The following BLOC1S6 variants were observed in gnomAD, a reference collection of about 807,000 sequenced individuals.
The protein encoded by BLOC1S6 is biogenesis of lysosomal organelles complex 1 subunit 6.
BLOC1S6 carries 24 observed loss-of-function variants against 24.7 expected under a neutral mutation model. The ratio of observed to expected loss-of-function variants is 0.97; its 90% CI spans 0.70 to 1.37. The LOEUF (loss-of-function observed/expected upper bound fraction) is 1.37, where lower values mean the gene tolerates loss of function less well. BLOC1S6 is among the 40% of genes most tolerant of loss of function. BLOC1S6 has a pLI of 0.00. For synonymous variants in BLOC1S6, 76 were observed against 72.6 expected (o/e 1.05, Z -0.23); for missense variants, 175 against 196.2 (o/e 0.89, Z 0.64).
At chr15:45,594,265 C>T (rs1893988762) in intron 2 of BLOC1S6, among the ~76,000 whole-genome samples, 1 of 151,924 alleles carries the variant, frequency 6.6e-6, no homozygotes, top group South Asian at 2.1e-4. Context: ...AAAAATTTAG[C>T]TTTATATATA....
intron 2 of BLOC1S6, among the ~76,000 whole-genome samples, chr15:45,597,556 A>G (rs1208220977): frequency 6.6e-6 from 1 of 152,178 alleles, no homozygotes; most frequent in Non-Finnish European, 1.5e-5. Flanking sequence ...ATTTTTCATT[A>G]GAGTTTTATA....
At chr15:45,594,084 G>A (rs1340474652) in intron 2 of BLOC1S6, among the ~76,000 whole-genome samples, 2 of 152,100 alleles carry the variant, frequency 1.3e-5, no homozygotes, top group Non-Finnish European at 2.9e-5. Flanking sequence ...ATAGGGGAAA[G>A]AGTACTGGAC....
chr15:45,587,862 T>A lies in BLOC1S6; in HGVS notation c.82+337T>A, dbSNP rs1893741115. The A allele has an allele frequency of 2.7e-5, 18 of 668,944 alleles. No individual in the cohort carries two copies. The South Asian group carries it at 2.7e-4, about 10-fold the overall frequency. The allele number at this position is 668,944 out of a possible 1,614,324, so 41.4% of individuals were successfully genotyped here. A position where few individuals can be genotyped will look rare whatever the true frequency, so the allele number is the denominator to read the frequency against. On this transcript the variant is annotated intron_variant, in intron 1 of 4. Coordinates refer to ENST00000220531, the MANE Select transcript of BLOC1S6 (RefSeq NM_012388.4). ...TGGATTTACCAGAAAGATGATCAGC[T>A]TATAATTCAGAGAGGTGACGTATCC...
intron 2 of BLOC1S6, among the ~76,000 whole-genome samples, chr15:45,596,556 G>A (rs1894084986): frequency 6.6e-6 from 1 of 152,134 alleles, no homozygotes; most frequent in Admixed American, 6.5e-5. Context: ...CTTTGTCAAA[G>A]AGAAGTTTAT....
chr15:45,606,489 CT>C lies in BLOC1S6; in HGVS notation c.495del (p.Ala166ProfsTer24). On this transcript the variant is annotated frameshift_variant, in exon 5 of 5. Transcript: ENST00000220531. LOFTEE classifies it high-confidence loss of function. Reference sequence around the variant, plus strand: ...GAGTTTGAAAGAGAAAAGCAGTTAACTGCCAGACCAGCCAAAAGGATGTGAA... The same window carrying C: ...GAGTTTGAAAGAGAAAAGCAGTTAACGCCAGACCAGCCAAAAGGATGTGAA... Reference protein sequence around the residue: ...EKEFEREKQLTARPAKRM With the variant: ...EKEFEREKQLXARPAKRM 1 of 1,614,156 alleles carries C rather than the reference CT, an allele frequency of 6.2e-7. No individual in the cohort carries two copies. The highest frequency in any genetic ancestry group is 8.5e-7 in the Non-Finnish European group (1 of 1,180,038).
At chr15:45,591,408 G>T (rs556425993) in intron 1 of BLOC1S6, among the ~76,000 whole-genome samples, 22 of 152,140 alleles carry the variant, frequency 1.4e-4, no homozygotes, top group Non-Finnish European at 2.9e-4. Flanking sequence ...TTGGCCTCAG[G>T]CTCCTTTATT....
At chr15:45,596,276 C>A (rs1019236321) in intron 2 of BLOC1S6, among the ~76,000 whole-genome samples, 1 of 152,130 alleles carries the variant, frequency 6.6e-6, no homozygotes, top group African/African-American at 2.4e-5. Flanking sequence ...TAGCTCACTG[C>A]AGCCTCCATT....
At position 45,592,307 on chromosome 15, in the gene BLOC1S6, A is replaced by G. The variant is rs772747807; in HGVS notation, c.224+31A>G. ...CTAATAAAAAACCAGATATACACTCATTTCCTCTGTGGCATAGTCACAATT... is the reference window on the plus strand; with the variant it reads ...CTAATAAAAAACCAGATATACACTCGTTTCCTCTGTGGCATAGTCACAATT... On this transcript the variant is annotated intron_variant, in intron 2 of 4. Transcript: ENST00000220531. 1.9e-6 allele frequency: 3 copies of G among 1,611,330 alleles called. No individual in the cohort carries two copies. In the Admixed American group the frequency reaches 5.0e-5, roughly 27 times the overall value.
At chr15:45,596,197 ATTG>A (rs371106987) in intron 2 of BLOC1S6, among the ~76,000 whole-genome samples, 28 of 151,668 alleles carry the variant, frequency 1.8e-4, no homozygotes, top group Middle Eastern at 3.4e-3. Context: ...AGCACCATTT[ATTG>A]TTGTTGTTGT....
rs1178356709 is a variant in BLOC1S6, at chr15:45,608,336, C to T, written c.*1822C>T. 6.6e-6 allele frequency: 1 copy of T among 152,186 alleles called. No homozygotes were observed. The highest frequency in any genetic ancestry group is 1.5e-5 in the Non-Finnish European group (1 of 68,038). 9.4% of individuals were successfully genotyped at this position (152,186 alleles called of 1,614,324 possible). On this transcript the variant is annotated 3_prime_UTR_variant, in exon 5 of 5. Coordinates refer to ENST00000220531, the MANE Select transcript of BLOC1S6 (RefSeq NM_012388.4). Reference sequence around the variant, plus strand: ...AAAGGCTGAGTGTTGCCCTCAAACACTTGCTAAAACTGCCTAGGGCAGGAT... The same window carrying T: ...AAAGGCTGAGTGTTGCCCTCAAACATTTGCTAAAACTGCCTAGGGCAGGAT...
At chr15:45,594,930 G>C (rs1049805510) in intron 2 of BLOC1S6, among the ~76,000 whole-genome samples, 4 of 152,044 alleles carry the variant, frequency 2.6e-5, no homozygotes, top group Non-Finnish European at 5.9e-5. Context: ...TTATGGGTCA[G>C]GAAAGCACTG....
At chr15:45,602,602 C>T (rs1039603557) in intron 2 of BLOC1S6, among the ~76,000 whole-genome samples, 12 of 152,152 alleles carry the variant, frequency 7.9e-5, no homozygotes, top group African/African-American at 2.4e-4. Flanking sequence ...GGCTGTTGGC[C>T]GGGGAAAGCT....
Position 45,606,695 on chromosome 15 carries a change from A to G in BLOC1S6, c.*181A>G. The G allele has an allele frequency of 1.4e-6, 1 of 727,710 alleles. No homozygotes were observed. The highest frequency in any genetic ancestry group is 2.2e-5 in the South Asian group (1 of 45,044). 45.1% of individuals were successfully genotyped at this position (727,710 alleles called of 1,614,324 possible). On this transcript the variant is annotated 3_prime_UTR_variant, in exon 5 of 5. Transcript: ENST00000220531. ...CAGACGTCATGTTGCATGGTTTTTG[A>G]TATTTATATGTAAGTTTTTCAAATT...
At chr15:45,591,778 T>C (rs1893895018) in intron 1 of BLOC1S6, among the ~76,000 whole-genome samples, 1 of 152,230 alleles carries the variant, frequency 6.6e-6, no homozygotes, top group African/African-American at 2.4e-5. Context: ...TATCATAGAC[T>C]TTACCTTATA....
In BLOC1S6 at chr15:45,591,977, A is replaced by G. The variant is rs931545400; in HGVS notation, c.83-158A>G. On this transcript the variant is annotated intron_variant, in intron 1 of 4. Coordinates refer to ENST00000220531, the MANE Select transcript of BLOC1S6 (RefSeq NM_012388.4). Reference sequence around the variant, plus strand: ...CTTTTATTAGCTGTGTCAATTTGAAAGGTTCCGGCTGGTCAGAGTGCAGTG... The same window carrying G: ...CTTTTATTAGCTGTGTCAATTTGAAGGGTTCCGGCTGGTCAGAGTGCAGTG... The G allele has an allele frequency of 6.3e-6, 5 of 790,498 alleles. No individual in the cohort carries two copies. In the East Asian group the frequency reaches 1.1e-4, roughly 17 times the overall value. The allele number at this position is 790,498 out of a possible 1,614,324, so 49.0% of individuals were successfully genotyped here. A position where few individuals can be genotyped will look rare whatever the true frequency, so the allele number is the denominator to read the frequency against.
At chr15:45,593,466 C>T (rs555395138) in intron 2 of BLOC1S6, among the ~76,000 whole-genome samples, 2 of 151,270 alleles carry the variant, frequency 1.3e-5, no homozygotes, top group Admixed American at 1.3e-4. Context: ...GAGTTGGCAA[C>T]CTTCTCAGTT....
intron 3 of BLOC1S6, among the ~76,000 whole-genome samples, chr15:45,604,781 CT>C (rs1894391929): frequency 6.6e-6 from 1 of 152,204 alleles, no homozygotes; most frequent in Non-Finnish European, 1.5e-5. Context: ...CTCCTTCTCT[CT>C]GACATCTCTA....
chr15:45,606,531 G>C lies in BLOC1S6; in HGVS notation c.*17G>C. ...AGGATGTGAAAAGTTGTGTTTGTGT[G>C]TTTTCTTCTCCTGTCCCATATTTGG... On this transcript the variant is annotated 3_prime_UTR_variant, in exon 5 of 5. Coordinates refer to ENST00000220531, the MANE Select transcript of BLOC1S6 (RefSeq NM_012388.4). 6.2e-7 allele frequency: 1 copy of C among 1,614,104 alleles called. No homozygotes were observed. Among genetic ancestry groups the C allele is most frequent in the South Asian group, 1.1e-5 (1 of 91,088 alleles).
chr15:45,600,309 T>C (rs1472383016), intron 2 of BLOC1S6, among the ~76,000 whole-genome samples: 3 of 151,198 alleles, frequency 2.0e-5, no homozygotes, highest in Non-Finnish European at 2.9e-5. Flanking sequence ...TGTGCACATG[T>C]ACCCTAAAAC....
Sources: gnomAD v4.1 joint callset for allele counts (sites outside exome capture counted in the v4.1 genomes callset) on GRCh38, gnomAD v4.1.1 for gene constraint, MANE v1.5 for transcripts, NCBI Gene and HGNC (gene_info 2026-07-23, HGNC 2026-07-21) for gene names.